FOXP2: variants seen among roughly 807,000 people sequenced by gnomAD.
FOXP2 encodes forkhead box protein P2.
Under a neutral mutation model 115.8 loss-of-function variants are expected in FOXP2, and 12 were observed. The ratio of observed to expected loss-of-function variants is 0.10; its 90% confidence interval spans 0.07 to 0.17. FOXP2 has a LOEUF of 0.17. FOXP2 is among the 10% of genes least tolerant of loss of function. The pLI, the probability that FOXP2 is intolerant of heterozygous loss-of-function variation, is 1.00. For synonymous variants in FOXP2, 328 were observed against 297.7 expected (o/e 1.10, Z -1.05); for missense variants, 629 against 843.5 (o/e 0.75, Z 3.15).
chr7:114,142,248 T>C (rs1792237398), intron 1 of FOXP2, among the ~76,000 whole-genome samples: 1 of 152,152 alleles, frequency 6.6e-6, no homozygotes, highest in Non-Finnish European at 1.5e-5. Flanking sequence ...AATCTCGAAC[T>C]CCTGACCTCG....
At chr7:114,139,897 G>A (rs1311971666) in intron 1 of FOXP2, among the ~76,000 whole-genome samples, 2 of 152,054 alleles carry the variant, frequency 1.3e-5, no homozygotes, top group African/African-American at 4.8e-5. Context: ...CGGATTGCCT[G>A]AGCTCAGGAG....
chr7:114,272,420 A>T (rs1209235419), intron 1 of FOXP2, among the ~76,000 whole-genome samples: 1 of 151,802 alleles, frequency 6.6e-6, no homozygotes, highest in South Asian at 2.1e-4. Context: ...TATTTCTCCC[A>T]CTTCTATCCT....
At chr7:114,658,004 C>A (rs138959881) in intron 10 of FOXP2, 62 bp from the exon 11 acceptor site, 2 of 1,589,146 alleles carry the variant, frequency 1.3e-6, no homozygotes, top group African/African-American at 2.7e-5. Flanking sequence ...ATTTGTCAAA[C>A]CTTTTTAAGT....
chr7:114,413,608 G>A (rs967677172), upstream of FOXP2, among the ~76,000 whole-genome samples: 5 of 152,050 alleles, frequency 3.3e-5, no homozygotes, highest in Non-Finnish European at 7.4e-5. Context: ...TTCCTTTCAG[G>A]GGAGGTGGAG....
In FOXP2 at chr7:114,199,568, A is replaced by G. The variant is rs558053566; in HGVS notation, c.-102+36480A>G. On this transcript the variant is annotated intron_variant, in intron 1 of 17. Coordinates refer to the FOXP2 transcript ENST00000634411. ...ACTGGTTCATAGACACAGTAGCAGC[A>G]AGTCACAGAGCTCTGTATTTGGCCC... Among the ~76,000 whole-genome samples, 4 of 152,334 alleles carry G rather than the reference A, an allele frequency of 2.6e-5. No individual in the cohort carries two copies. The East Asian group carries it at 7.7e-4, about 29-fold the overall frequency.
intron 3 of FOXP2, among the ~76,000 whole-genome samples, chr7:114,611,231 C>A (rs7349958): frequency 6.6e-6 from 1 of 152,036 alleles, no homozygotes; most frequent in Non-Finnish European, 1.5e-5. Flanking sequence ...TTTGTAAATA[C>A]GGATTTCTAC....
chr7:114,570,926 G>T (rs1341803458), intron 3 of FOXP2: 1 of 1,518,802 alleles, frequency 6.6e-7, no homozygotes, highest in Non-Finnish European at 9.1e-7. Context: ...TAGGCACAAG[G>T]CCATGGACCC....
intron 3 of FOXP2, among the ~76,000 whole-genome samples, chr7:114,620,230 A>C (rs1804174713): frequency 6.6e-6 from 1 of 152,108 alleles, no homozygotes; most frequent in Admixed American, 6.6e-5. Context: ...ACGGCAAGTG[A>C]AATACTGATT....
At chr7:114,636,910 A>G (rs1419560976) in intron 6 of FOXP2, among the ~76,000 whole-genome samples, 1 of 152,190 alleles carries the variant, frequency 6.6e-6, no homozygotes, top group Non-Finnish European at 1.5e-5. Flanking sequence ...ACAGTGGATC[A>G]CACCTATAAT....
At chr7:114,086,927 A>G (rs1799432836), upstream of FOXP2, among the ~76,000 whole-genome samples, 1 of 152,168 alleles carries the variant, frequency 6.6e-6, no homozygotes, top group South Asian at 2.1e-4. Flanking sequence ...TTTAGTTTGG[A>G]TAATGCAAAA....
Position 114,692,679 on chromosome 7 carries a change from T to C in FOXP2, c.*2753T>C, listed in dbSNP as rs752369663. 14 of 444,326 alleles carry C rather than the reference T, an allele frequency of 3.2e-5. No individual in the cohort carries two copies. The highest frequency in any genetic ancestry group is 1.5e-4 in the South Asian group (9 of 62,030). The allele number at this position is 444,326 out of a possible 1,614,324, so 27.5% of individuals were successfully genotyped here. A position where few individuals can be genotyped will look rare whatever the true frequency, so the allele number is the denominator to read the frequency against. ...TGCTTGAACTTCTGTGCATACCTTATAAAGCATAATGTCTGACAATTTAAA... is the reference window on the plus strand; with the variant it reads ...TGCTTGAACTTCTGTGCATACCTTACAAAGCATAATGTCTGACAATTTAAA... On this transcript the variant is annotated 3_prime_UTR_variant, in exon 17 of 17. Coordinates refer to ENST00000350908, the MANE Select transcript of FOXP2 (RefSeq NM_014491.4).
At chr7:114,538,887 G>A (rs776122623) in intron 3 of FOXP2, among the ~76,000 whole-genome samples, 14 of 151,784 alleles carry the variant, frequency 9.2e-5, no homozygotes, top group Non-Finnish European at 2.1e-4. Context: ...CATATGTATG[G>A]AAAACCATTG....
chr7:114,574,964 A>C lies in FOXP2; in HGVS notation c.258+40258A>C, dbSNP rs566920626. On this transcript the variant is annotated intron_variant, in intron 3 of 16. Transcript: ENST00000350908. ...CTCCCTACAGGTCTTTACTATGTTT[A>C]TCTCCTGAATGGTTCATTTTTAATG... 1.5e-4 allele frequency among the ~76,000 whole-genome samples: 23 copies of C among 152,030 alleles called. No homozygotes were observed. The Middle Eastern group carries it at 0.02, about 135-fold the overall frequency.
chr7:114,119,703 C>T (rs1791507589), intron 1 of FOXP2, among the ~76,000 whole-genome samples: 1 of 152,102 alleles, frequency 6.6e-6, no homozygotes, highest in African/African-American at 2.4e-5. Context: ...ACAGCAAGAC[C>T]TTGTCTCAAA....
intron 3 of FOXP2, among the ~76,000 whole-genome samples, chr7:114,550,103 C>CT (rs1554416354): frequency 7.3e-6 from 1 of 136,550 alleles, no homozygotes; most frequent in East Asian, 2.1e-4. Flanking sequence ...GCTCATCTTC[C>CT]TTTCTTTTCT....
chr7:114,588,940 A>G (rs1318693250), intron 3 of FOXP2, among the ~76,000 whole-genome samples: 2 of 152,120 alleles, frequency 1.3e-5, no homozygotes, highest in East Asian at 3.9e-4. Flanking sequence ...GAATTTAGTG[A>G]TTTTTCGTCA....
At chr7:114,278,512 G>A (rs900724566) in intron 1 of FOXP2, among the ~76,000 whole-genome samples, 4 of 151,958 alleles carry the variant, frequency 2.6e-5, no homozygotes, top group Admixed American at 2.6e-4. Flanking sequence ...CCACCACCAT[G>A]CCTGGCTAAT....
chr7:114,499,158 A>G, intron 2 of FOXP2: 1 of 476,284 alleles, frequency 2.1e-6, no homozygotes, highest in Non-Finnish European at 3.7e-6. Flanking sequence ...ACTGCAACTT[A>G]TGAGGAATCA....
intron 2 of FOXP2, among the ~76,000 whole-genome samples, chr7:114,515,731 C>G (rs1373948323): frequency 6.6e-6 from 1 of 152,018 alleles, no homozygotes; most frequent in Non-Finnish European, 1.5e-5. Context: ...AATTAGATCC[C>G]ATTTGTCAAT....
Sources: gnomAD v4.1 joint callset for allele counts (sites outside exome capture counted in the v4.1 genomes callset) on GRCh38, gnomAD v4.1.1 for gene constraint, MANE v1.5 for transcripts, NCBI Gene and HGNC (gene_info 2026-07-23, HGNC 2026-07-21) for gene names.